The following LMOD1 variants were observed in gnomAD, a reference collection of about 807,000 sequenced individuals.
LMOD1 encodes leiomodin 1, also known as leiomodin-1.
In LMOD1, 8 loss-of-function variants were observed where a neutral mutation model predicts 36.5. The observed-to-expected ratio is 0.22, with a 90% CI of 0.13 to 0.40. LMOD1 has a LOEUF of 0.40. LMOD1 is among the 10% of genes least tolerant of loss of function. The pLI is 1.00. For missense variants in LMOD1, 630 were observed against 751.1 expected, an observed-to-expected ratio of 0.84 and a Z score of 1.88; for synonymous variants, 284 against 288.7, an observed-to-expected ratio of 0.98 and a Z score of 0.17.
At chr1:201,915,754 C>G (rs760720836) in intron 1 of LMOD1, among the ~76,000 whole-genome samples, 1 of 152,116 alleles carries the variant, frequency 6.6e-6, no homozygotes, top group Non-Finnish European at 1.5e-5. Context: ...TCCCTCTCCT[C>G]CATCCTCACA....
In LMOD1 at chr1:201,912,808, G is replaced by T. The variant is rs1437802107; in HGVS notation, c.262-12057C>A. ...CGGGAGGCAGAGGTTGCAGTGAGCC[G>T]AGATGGCACCACTGCACTCCCAGCC... On this transcript the variant is annotated intron_variant, in intron 1 of 2. Transcript: ENST00000367288. Among the ~76,000 whole-genome samples the T allele has an allele frequency of 3.9e-5, 6 of 152,288 alleles. No individual in the cohort carries two copies. The South Asian group carries it at 1.0e-3, about 26-fold the overall frequency.
At chr1:201,926,015 G>A (rs552222467) in intron 1 of LMOD1, among the ~76,000 whole-genome samples, 4 of 152,218 alleles carry the variant, frequency 2.6e-5, no homozygotes, top group East Asian at 3.9e-4. Flanking sequence ...CACCCAGCCA[G>A]TTTTCTTTTT....
At chr1:201,926,012 C>A (rs1681821169) in intron 1 of LMOD1, among the ~76,000 whole-genome samples, 1 of 152,150 alleles carries the variant, frequency 6.6e-6, no homozygotes, top group African/African-American at 2.4e-5. Context: ...CCACACCCAG[C>A]CAGTTTTCTT....
Position 201,899,368 on chromosome 1 carries a change from T to TAGGG in LMOD1, c.1644_1645insCCCT (p.Asn549ProfsTer2). 1 of 1,579,726 alleles carries TAGGG rather than the reference T, an allele frequency of 6.3e-7. No individual in the cohort carries two copies. The highest frequency in any genetic ancestry group is 8.7e-7 in the Non-Finnish European group (1 of 1,150,570). ...GCTGGTGAGAGTGAATTCTTCAGGT[T>TAGGG]CTCCATGATAAGGGGTGGAGCCAAG... On this transcript the variant is annotated frameshift_variant, in exon 2 of 3. Coordinates refer to ENST00000367288, the MANE Select transcript of LMOD1 (RefSeq NM_012134.3). LOFTEE classifies it high-confidence loss of function. This position sits in a 1 kb window ranked among gnomAD's most constrained non-coding sequence, Gnocchi z 6.3.
chr1:201,908,719 T>G (rs534727265), intron 1 of LMOD1, among the ~76,000 whole-genome samples: 1 of 151,468 alleles, frequency 6.6e-6, no homozygotes, highest in African/African-American at 2.4e-5. Context: ...AGCAAGGGGG[T>G]TTACACACCG....
chr1:201,913,709 G>GT lies in LMOD1; in HGVS notation c.262-12959dup, dbSNP rs1479272301. On this transcript the variant is annotated intron_variant, in intron 1 of 2. Transcript: ENST00000367288. ...GCTAACCCTTTTGCTGCTGAGGAAG[G>GT]TATGTGGGCAAGAGTGAGGCTTAAG... Among the ~76,000 whole-genome samples, 13 of 152,320 alleles carry GT rather than the reference G, an allele frequency of 8.5e-5. 2 individuals are homozygous for GT. The highest frequency in any genetic ancestry group is 3.1e-4 in the African/African-American group (13 of 41,578).
intron 1 of LMOD1, among the ~76,000 whole-genome samples, chr1:201,927,238 T>C (rs2102924265): frequency 6.6e-6 from 1 of 152,212 alleles, no homozygotes; most frequent in Non-Finnish European, 1.5e-5. Flanking sequence ...AACACTTGAG[T>C]CTTTAGTACT....
chr1:201,931,134 T>C (rs1164523149), intron 1 of LMOD1, among the ~76,000 whole-genome samples: 1 of 151,658 alleles, frequency 6.6e-6, no homozygotes, highest in Non-Finnish European at 1.5e-5. Context: ...GAGAGAGAGA[T>C]GTTTAAAGGA....
At position 201,941,369 on chromosome 1, in the gene LMOD1, C is replaced by T. The variant is rs76315109; in HGVS notation, c.261+4711G>A. ...TTTAAGAAACAAGCAGTTGCTTTTTCAAACTCTGGATGGAGGCAGTTTCAA... is the reference window on the plus strand; with the variant it reads ...TTTAAGAAACAAGCAGTTGCTTTTTTAAACTCTGGATGGAGGCAGTTTCAA... On this transcript the variant is annotated intron_variant, in intron 1 of 2. Transcript: ENST00000367288. Among the ~76,000 whole-genome samples, 562 of 152,280 alleles carry T rather than the reference C, an allele frequency of 3.7e-3. 6 individuals carry two copies. Among genetic ancestry groups the T allele is most frequent in the African/African-American group, 0.013 (535 of 41,550 alleles).
At position 201,898,276 on chromosome 1, in the gene LMOD1, G is replaced by A. The variant is rs576784581; in HGVS notation, c.*96C>T. On this transcript the variant is annotated 3_prime_UTR_variant, in exon 3 of 3. Transcript: ENST00000367288. ...TGGCAGAATAGGGACATCCACAGCAGGTCAGCCAGGGATGGGGTGGGCAGG... is the reference window on the plus strand; with the variant it reads ...TGGCAGAATAGGGACATCCACAGCAAGTCAGCCAGGGATGGGGTGGGCAGG... The A allele has an allele frequency of 1.9e-4, 242 of 1,287,242 alleles. No homozygotes were observed. Among genetic ancestry groups the A allele is most frequent in the Admixed American group, 2.9e-4 (15 of 51,762 alleles). 79.7% of individuals were successfully genotyped at this position (1,287,242 alleles called of 1,614,324 possible).
chr1:201,930,512 T>G lies in LMOD1; in HGVS notation c.261+15568A>C, dbSNP rs547681217. Reference sequence around the variant, plus strand: ...GGTGTCTGATTAAATGGTACTTCTATTCATCAAAGTGCAGAACACAGGAGG... The same window carrying G: ...GGTGTCTGATTAAATGGTACTTCTAGTCATCAAAGTGCAGAACACAGGAGG... On this transcript the variant is annotated intron_variant, in intron 1 of 2. Transcript: ENST00000367288. 4.8e-4 allele frequency among the ~76,000 whole-genome samples: 73 copies of G among 152,254 alleles called. No homozygotes were observed. The South Asian group carries it at 7.1e-3, about 15-fold the overall frequency.
At chr1:201,904,119 GC>G (rs1681372909) in intron 1 of LMOD1, among the ~76,000 whole-genome samples, 1 of 152,086 alleles carries the variant, frequency 6.6e-6, no homozygotes, top group East Asian at 1.9e-4. Flanking sequence ...TTTTCACGCA[GC>G]CCCCTTCAGA....
chr1:201,906,469 A>T lies in LMOD1; in HGVS notation c.262-5718T>A, dbSNP rs190400708. Among the ~76,000 whole-genome samples the T allele has an allele frequency of 1.8e-4, 27 of 152,186 alleles. No individual in the cohort carries two copies. In the East Asian group the frequency reaches 5.2e-3, roughly 29 times the overall value. On this transcript the variant is annotated intron_variant, in intron 1 of 2. Coordinates refer to ENST00000367288, the MANE Select transcript of LMOD1 (RefSeq NM_012134.3). Reference sequence around the variant, plus strand: ...TCCAGCCACCTAGGGACTTCCTGATACCAGGCACTGCAGCTGCCAGTCTCA... The same window carrying T: ...TCCAGCCACCTAGGGACTTCCTGATTCCAGGCACTGCAGCTGCCAGTCTCA...
rs147806235 is a variant in LMOD1 at position 201,932,618 on chromosome 1, G to A, written c.261+13462C>T. 3.3e-3 allele frequency among the ~76,000 whole-genome samples: 503 copies of A among 152,082 alleles called. 2 individuals carry two copies. The highest frequency in any genetic ancestry group is 0.011 in the African/African-American group (468 of 41,462). ...AATAAAAAAATTAGCCAGGTATGGT[G>A]GTGCACACCTGTAGTCAGGAGGCTG... is the stretch of plus-strand genomic sequence containing the variant. On this transcript the variant is annotated intron_variant, in intron 1 of 2. Transcript: ENST00000367288.
chr1:201,933,926 C>T (rs1253709726), intron 1 of LMOD1, among the ~76,000 whole-genome samples: 1 of 151,976 alleles, frequency 6.6e-6, no homozygotes, highest in African/African-American at 2.4e-5. Context: ...TGATAAATAG[C>T]CAAGTTGGGA....
At chr1:201,916,768 G>T (rs192999902) in intron 1 of LMOD1, among the ~76,000 whole-genome samples, 7 of 152,096 alleles carry the variant, frequency 4.6e-5, no homozygotes, top group African/African-American at 1.7e-4. Context: ...CCTGACCTTC[G>T]CCTGGCTCTG....
chr1:201,942,857 A>G (rs1002795363), intron 1 of LMOD1, among the ~76,000 whole-genome samples: 20 of 152,332 alleles, frequency 1.3e-4, no homozygotes, highest in Admixed American at 1.2e-3. Flanking sequence ...CCCAAAGCCA[A>G]TAAATTTTTC....
chr1:201,942,333 C>T (rs1682131480), intron 1 of LMOD1, among the ~76,000 whole-genome samples: 2 of 152,198 alleles, frequency 1.3e-5, no homozygotes, highest in South Asian at 4.1e-4. Flanking sequence ...TTGGTACAGA[C>T]TGGTATTGGA....
At chr1:201,931,449 C>A (rs2102926651) in intron 1 of LMOD1, among the ~76,000 whole-genome samples, 1 of 150,084 alleles carries the variant, frequency 6.7e-6, no homozygotes, top group South Asian at 2.1e-4. Flanking sequence ...GCATGAGAAT[C>A]GCTTGACCCC....
Sources: allele counts gnomAD v4.1 joint callset (sites outside exome capture counted in the v4.1 genomes callset), GRCh38; gene constraint gnomAD v4.1.1; non-coding constraint Gnocchi (gnomAD v3.1); transcripts MANE v1.5; gene names NCBI Gene and HGNC (gene_info 2026-07-23, HGNC 2026-07-21).